PAM: variants seen among roughly 807,000 people sequenced by gnomAD.
The protein encoded by PAM is peptidyl-glycine alpha-amidating monooxygenase.
Under a neutral mutation model 122.1 loss-of-function variants are expected in PAM, and 72 were observed. The ratio of observed to expected loss-of-function variants is 0.59; its 90% confidence interval spans 0.49 to 0.72. PAM has a LOEUF of 0.72. PAM is among the 30% of genes least tolerant of loss of function. The pLI, the probability that PAM is intolerant of heterozygous loss-of-function variation, is 0.00. For synonymous variants in PAM, 389 were observed against 404.4 expected (o/e 0.96, Z 0.46); for missense variants, 1,106 against 1,183.7 (o/e 0.93, Z 0.96).
chr5:102,810,605 C>G (rs1264641406), intron 1 of PAM, among the ~76,000 whole-genome samples: 2 of 152,016 alleles, frequency 1.3e-5, no homozygotes, highest in Middle Eastern at 3.2e-3. Context: ...CTGAGGCAGG[C>G]AGATCACCTG....
intron 4 of PAM, among the ~76,000 whole-genome samples, chr5:102,911,909 A>G (rs935779619): frequency 6.6e-6 from 1 of 151,902 alleles, no homozygotes; most frequent in Non-Finnish European, 1.5e-5. Flanking sequence ...AGCCTTCTCT[A>G]TGATTCCTAT....
intron 1 of PAM, among the ~76,000 whole-genome samples, chr5:102,837,250 A>G (rs1001220523): frequency 4.6e-5 from 7 of 152,256 alleles, no homozygotes; most frequent in African/African-American, 1.7e-4. Flanking sequence ...TCATCTTCGT[A>G]CCACACAACA....
At chr5:102,807,688 T>C (rs1347237779) in intron 1 of PAM, among the ~76,000 whole-genome samples, 4 of 152,220 alleles carry the variant, frequency 2.6e-5, no homozygotes, top group Non-Finnish European at 5.9e-5. Context: ...GATGTGAGCT[T>C]TCTTTTGAAA....
intron 1 of PAM, among the ~76,000 whole-genome samples, chr5:102,831,844 GTATTAT>G (rs1775544837): frequency 6.6e-6 from 1 of 151,480 alleles, no homozygotes; most frequent in South Asian, 2.1e-4. Flanking sequence ...TTCTGTTACA[GTATTAT>G]CATTTTTTAT....
rs143760670 is a variant in PAM at position 102,981,431 on chromosome 5, C to T, written c.1483+6995C>T. Among the ~76,000 whole-genome samples, 57 of 152,324 alleles carry T rather than the reference C, an allele frequency of 3.7e-4. 2 individuals carry two copies. Among genetic ancestry groups the T allele is most frequent in the East Asian group, 2.9e-3 (15 of 5,192 alleles). On this transcript the variant is annotated intron_variant, in intron 15 of 25. Coordinates refer to ENST00000438793, the MANE Select transcript of PAM (RefSeq NM_001177306.2). Reference sequence around the variant, plus strand: ...CCAATTAGCATTTTCATTGAGTATTCTCATAGTATCTTCAGCATTCTGCTA... The same window carrying T: ...CCAATTAGCATTTTCATTGAGTATTTTCATAGTATCTTCAGCATTCTGCTA...
chr5:102,863,585 C>T (rs781750111), intron 1 of PAM, among the ~76,000 whole-genome samples: 3 of 149,776 alleles, frequency 2.0e-5, no homozygotes, highest in Non-Finnish European at 4.4e-5. Context: ...TTTTATAAAA[C>T]TCCAGTATGT....
Position 102,865,916 on chromosome 5 carries a change from C to G in PAM, c.-280C>G. ...GGCACCCGCGCGTCTAGCCCCAGCG[C>G]CAGGGCACGCGAGCGGCGCTGGAGG... On this transcript the variant is annotated 5_prime_UTR_variant, in exon 2 of 26. Transcript: ENST00000438793. 2.7e-6 allele frequency: 1 copy of G among 370,976 alleles called. No individual in the cohort carries two copies. The highest frequency in any genetic ancestry group is 2.1e-5 in the African/African-American group (1 of 46,778). The allele number at this position is 370,976 out of a possible 1,614,324, so 23.0% of individuals were successfully genotyped here.
At position 102,805,298 on chromosome 5, in the gene PAM, G is replaced by A. The variant is rs144444595; in HGVS notation, c.-374+49950G>A. The stretch of plus-strand genomic sequence containing the variant: ...TTGGCCAGGCTGGTCTTGAACTCCT[G>A]ACCTCATGATCTGCTCGCCTCAGCC... On this transcript the variant is annotated intron_variant, in intron 1 of 25. Transcript: ENST00000438793. Among the ~76,000 whole-genome samples, 717 of 152,094 alleles carry A rather than the reference G, an allele frequency of 4.7e-3. 7 individuals carry two copies. The highest frequency in any genetic ancestry group is 0.017 in the African/African-American group (687 of 41,496).
At chr5:103,015,720 G>C (rs1226523161) in intron 21 of PAM, among the ~76,000 whole-genome samples, 1 of 152,100 alleles carries the variant, frequency 6.6e-6, no homozygotes, top group Non-Finnish European at 1.5e-5. Context: ...TGTATTTCTA[G>C]CAGAACCCTT....
intron 7 of PAM, among the ~76,000 whole-genome samples, chr5:102,941,282 A>G (rs1248057664): frequency 2.0e-5 from 3 of 152,234 alleles, no homozygotes; most frequent in Non-Finnish European, 4.4e-5. Flanking sequence ...GGATGGATAA[A>G]TGCGTTTTCT....
intron 24 of PAM, among the ~76,000 whole-genome samples, chr5:103,027,333 G>C (rs951785980): frequency 7.9e-5 from 12 of 152,090 alleles, no homozygotes; most frequent in Admixed American, 5.2e-4. Flanking sequence ...CCACATCACT[G>C]TCTTCTCCCT....
At chr5:102,780,751 TTCTCTTTC>T (rs1758540529) in intron 1 of PAM, among the ~76,000 whole-genome samples, 4 of 139,930 alleles carry the variant, frequency 2.9e-5, no homozygotes, top group East Asian at 2.4e-4. Flanking sequence ...TTTTCTTTCT[TTCTCTTTC>T]TTTCTTTCTT....
At chr5:102,962,909 C>T (rs567682838) in intron 14 of PAM, among the ~76,000 whole-genome samples, 13 of 151,578 alleles carry the variant, frequency 8.6e-5, no homozygotes, top group East Asian at 1.9e-4. Context: ...TACTGGTCCC[C>T]GAGAATAATT....
At chr5:102,907,865 GAT>G (rs1179078142) in intron 4 of PAM, among the ~76,000 whole-genome samples, 1 of 151,956 alleles carries the variant, frequency 6.6e-6, no homozygotes, top group Non-Finnish European at 1.5e-5. Flanking sequence ...GTAGATTCTG[GAT>G]ATTAGCCCTT....
intron 5 of PAM, among the ~76,000 whole-genome samples, chr5:102,916,991 C>T (rs945234929): frequency 1.9e-4 from 29 of 152,036 alleles, no homozygotes; most frequent in Non-Finnish European, 3.2e-4. Context: ...ACCTTGGCCT[C>T]CCAAAGTGCT....
chr5:103,002,059 A>G (rs1234431698), intron 16 of PAM, among the ~76,000 whole-genome samples: 1 of 151,676 alleles, frequency 6.6e-6, no homozygotes, highest in Non-Finnish European at 1.5e-5. Context: ...CCCCTCAACT[A>G]TGTACTGATC....
intron 1 of PAM, among the ~76,000 whole-genome samples, chr5:102,795,959 T>G: frequency 6.6e-6 from 1 of 152,206 alleles, no homozygotes; most frequent in East Asian, 1.9e-4. Context: ...GAGTTATTTT[T>G]TTTAGTTTAT....
Position 102,834,332 on chromosome 5 carries a change from A to G in PAM, c.-373-31491A>G, listed in dbSNP as rs193000952. On this transcript the variant is annotated intron_variant, in intron 1 of 25. Coordinates refer to ENST00000438793, the MANE Select transcript of PAM (RefSeq NM_001177306.2). ...GGTAGCTTGTCCATGTCAAAGTTGT[A>G]TATCAATTAATTTAACAAATTTTTG... Among the ~76,000 whole-genome samples the G allele has an allele frequency of 4.7e-3, 723 of 152,288 alleles. 3 individuals are homozygous for G. Among genetic ancestry groups the G allele is most frequent in the African/African-American group, 0.016 (669 of 41,560 alleles).
chr5:102,974,010 T>C, intron 14 of PAM, 106 bp from the exon 15 acceptor site: 1 of 714,442 alleles, frequency 1.4e-6, no homozygotes, highest in Admixed American at 2.9e-5. Context: ...AACTTCTCTC[T>C]TATTTATTAT....
Sources: gnomAD v4.1 joint callset for allele counts (sites outside exome capture counted in the v4.1 genomes callset) on GRCh38, gnomAD v4.1.1 for gene constraint, MANE v1.5 for transcripts, NCBI Gene and HGNC (gene_info 2026-07-23, HGNC 2026-07-21) for gene names.